Variants in LRRC7 observed in about 807,000 individuals in gnomAD.
The protein encoded by LRRC7 is leucine rich repeat containing 7.
In LRRC7, 23 loss-of-function variants were observed where a neutral mutation model predicts 175.7. The observed-to-expected ratio is 0.13, with a 90% confidence interval of 0.09 to 0.19. LRRC7 has a LOEUF of 0.19. Ranked by LOEUF, LRRC7 falls within the 10% of genes least tolerant of loss-of-function variation. The probability of loss-of-function intolerance (pLI) is 1.00; values close to 1 mark genes in which losing one functional copy is unlikely to be tolerated. For synonymous variants in LRRC7, 685 were observed against 680.9 expected (o/e 1.01, Z -0.09); for missense variants, 1,354 against 1,904.7 (o/e 0.71, Z 5.38).
chr1:69,752,360 A>G (rs912131628), intron 2 of LRRC7, among the ~76,000 whole-genome samples: 1 of 152,180 alleles, frequency 6.6e-6, no homozygotes. Flanking sequence ...ATTTGTCACA[A>G]GAAATCTTGG....
chr1:70,095,429 A>G (rs1664316380), intron 25 of LRRC7, among the ~76,000 whole-genome samples: 1 of 152,188 alleles, frequency 6.6e-6, no homozygotes, highest in Non-Finnish European at 1.5e-5. Context: ...TTAATAAAAA[A>G]TAAATTTTCA....
chr1:69,880,771 AAG>A (rs1553167893), intron 7 of LRRC7, among the ~76,000 whole-genome samples: 3 of 151,766 alleles, frequency 2.0e-5, no homozygotes, highest in African/African-American at 7.3e-5. Flanking sequence ...TAAGGAAAAA[AAG>A]AAGAAGTTTT....
chr1:70,032,073 A>G (rs2102006455), intron 18 of LRRC7, among the ~76,000 whole-genome samples: 1 of 152,340 alleles, frequency 6.6e-6, no homozygotes, highest in African/African-American at 2.4e-5. Flanking sequence ...CTGGGATTAC[A>G]GGCGTGAGCC....
At chr1:69,684,820 G>C (rs112253757) in intron 2 of LRRC7, among the ~76,000 whole-genome samples, 2,798 of 152,276 alleles carry the variant, frequency 0.018, 55 homozygotes, top group African/African-American at 0.054. Flanking sequence ...GTTTGGAAGA[G>C]AGCCACCGAT....
chr1:70,000,364 A>G (rs1655410846), intron 11 of LRRC7, among the ~76,000 whole-genome samples: 2 of 152,322 alleles, frequency 1.3e-5, no homozygotes, highest in Middle Eastern at 3.4e-3. Context: ...CACATGTCTT[A>G]TAGTTTTGTA....
intron 1 of LRRC7, among the ~76,000 whole-genome samples, chr1:69,669,443 A>T (rs1658739419): frequency 6.6e-6 from 1 of 152,172 alleles, no homozygotes; most frequent in African/African-American, 2.4e-5. Context: ...TGCAAGATGT[A>T]TTGAAGCTCC....
chr1:69,698,985 C>G (rs539940117), intron 2 of LRRC7, among the ~76,000 whole-genome samples: 2 of 152,126 alleles, frequency 1.3e-5, no homozygotes, highest in Non-Finnish European at 2.9e-5. Flanking sequence ...TTTGCCTTCT[C>G]TCTGACTTCT....
In LRRC7 at chr1:70,118,411, A is replaced by G. The variant is rs185336462; in HGVS notation, c.4621-3369A>G. Among the ~76,000 whole-genome samples the G allele has an allele frequency of 2.0e-5, 3 of 152,280 alleles. No individual in the cohort carries two copies. In the East Asian group the frequency reaches 5.8e-4, roughly 29 times the overall value. ...TTAGGACTAAATGTTATTTCTACCA[A>G]TATTTTTAGAATAAGTTAAATTAAA... is the stretch of plus-strand genomic sequence containing the variant. On this transcript the variant is annotated intron_variant, in intron 26 of 26. Coordinates refer to ENST00000651989, the MANE Select transcript of LRRC7 (RefSeq NM_001370785.2).
In LRRC7 at chr1:69,647,510, T is replaced by C. The variant is rs147125218; in HGVS notation, c.3-30871T>C. On this transcript the variant is annotated intron_variant, in intron 1 of 26. Coordinates refer to ENST00000651989, the MANE Select transcript of LRRC7 (RefSeq NM_001370785.2). ...ATTCTGATTTTGATGCTCTGTAGGCTCCCTAGTAACTTTCAAGAATTTATT... is the reference window on the plus strand; with the variant it reads ...ATTCTGATTTTGATGCTCTGTAGGCCCCCTAGTAACTTTCAAGAATTTATT... 1.1e-4 allele frequency among the ~76,000 whole-genome samples: 17 copies of C among 152,302 alleles called. No individual in the cohort carries two copies. In the East Asian group the frequency reaches 3.3e-3, roughly 29 times the overall value.
chr1:70,066,936 G>A (rs1662023311), intron 23 of LRRC7, among the ~76,000 whole-genome samples: 1 of 152,076 alleles, frequency 6.6e-6, no homozygotes, highest in Non-Finnish European at 1.5e-5. Context: ...TGTTAGGTGT[G>A]TAGTGATATA....
chr1:70,038,592 C>G lies in LRRC7; in HGVS notation c.2768C>G (p.Pro923Arg), dbSNP rs1558013598. The G allele has an allele frequency of 6.2e-7, 1 of 1,614,102 alleles. No homozygotes were observed. Among genetic ancestry groups the G allele is most frequent in the East Asian group, 2.2e-5 (1 of 44,872 alleles). The change falls in exon 21 of 27, where the codon CCT (proline) becomes CGT (arginine). Residue 923 changes from proline (P) to arginine (R), a missense_variant. By Grantham distance (103) the Pro-to-Arg change is moderately radical. Coordinates refer to ENST00000651989, the MANE Select transcript of LRRC7 (RefSeq NM_001370785.2). ...KEHIKESTEI[P>R]SPFSPGVPWE... ...CATATAAAGGAATCTACTGAAATAC[C>G]TAGTCCTTTTTCTCCAGGCGTACCA...
intron 7 of LRRC7, among the ~76,000 whole-genome samples, chr1:69,854,536 G>A (rs1173081579): frequency 6.6e-6 from 1 of 151,942 alleles, no homozygotes; most frequent in African/African-American, 2.4e-5. Flanking sequence ...GCAAGATTTT[G>A]AATTTTTTGG....
chr1:69,732,207 C>T (rs910406338), intron 2 of LRRC7, among the ~76,000 whole-genome samples: 2 of 151,622 alleles, frequency 1.3e-5, no homozygotes, highest in African/African-American at 4.8e-5. Context: ...TGGAAGATAA[C>T]TTCAAGAAAA....
chr1:70,047,066 G>T (rs1660386333), intron 22 of LRRC7, among the ~76,000 whole-genome samples: 1 of 152,000 alleles, frequency 6.6e-6, no homozygotes, highest in African/African-American at 2.4e-5. Flanking sequence ...ACCATCTCAG[G>T]TCCTTAAGAC....
intron 1 of LRRC7, among the ~76,000 whole-genome samples, chr1:69,655,509 C>G (rs183667894): frequency 2.0e-4 from 30 of 152,128 alleles, no homozygotes; most frequent in African/African-American, 7.2e-4. Context: ...AACCTGTCTT[C>G]TTTTTCCTTT....
chr1:69,615,359 T>C (rs1156886747), intron 1 of LRRC7, among the ~76,000 whole-genome samples: 2 of 152,042 alleles, frequency 1.3e-5, no homozygotes, highest in Non-Finnish European at 2.9e-5. Context: ...GGGAGTTTCT[T>C]AGAATGTTTT....
At chr1:69,676,513 T>A (rs575416526) in intron 1 of LRRC7, among the ~76,000 whole-genome samples, 1 of 152,222 alleles carries the variant, frequency 6.6e-6, no homozygotes, top group East Asian at 1.9e-4. Context: ...AAGTGTACAT[T>A]GATGTGCAAA....
intron 13 of LRRC7, 87 bp from the exon 14 acceptor site, chr1:70,016,378 C>T: frequency 1.0e-6 from 1 of 967,230 alleles, no homozygotes; most frequent in South Asian, 2.3e-5. Flanking sequence ...AGAATGAAAC[C>T]AACAAGTTAG....
At chr1:69,743,206 G>A (rs780393607) in intron 2 of LRRC7, among the ~76,000 whole-genome samples, 2 of 152,006 alleles carry the variant, frequency 1.3e-5, no homozygotes, top group Admixed American at 1.3e-4. Flanking sequence ...GCAGGTTAGG[G>A]TCAAGATAAA....
Sources: allele counts gnomAD v4.1 joint callset (sites outside exome capture counted in the v4.1 genomes callset), GRCh38; gene constraint gnomAD v4.1.1; transcripts MANE v1.5; gene names NCBI Gene and HGNC (gene_info 2026-07-23, HGNC 2026-07-21).